Variants in PCDHGA1 observed in about 807,000 individuals in gnomAD.
The protein encoded by PCDHGA1 is protocadherin gamma-A1.
PCDHGA1 carries 32 observed loss-of-function variants against 58.0 expected under a neutral mutation model. The ratio of observed to expected loss-of-function variants is 0.55; its 90% CI spans 0.42 to 0.74. The LOEUF (loss-of-function observed/expected upper bound fraction) is 0.74, where lower values mean the gene tolerates loss of function less well. PCDHGA1 is among the 30% of genes least tolerant of loss of function. The probability of loss-of-function intolerance (pLI) is 0.00; values close to 1 mark genes in which losing one functional copy is unlikely to be tolerated. For missense variants in PCDHGA1, 1,205 were observed against 1,182.3 expected (o/e 1.02, Z -0.28); for synonymous variants, 498 against 501.1 (o/e 0.99, Z 0.08).
At position 141,371,314 on chromosome 5, in the gene PCDHGA1, T is replaced by G. The variant is rs763858209; in HGVS notation, c.2421+38209T>G. The G allele has an allele frequency of 6.8e-6, 11 of 1,613,964 alleles. No individual in the cohort carries two copies. The East Asian group carries it at 2.2e-4, about 33-fold the overall frequency. The stretch of plus-strand genomic sequence containing the variant: ...GGGGAACTCACCACTATTGGAGAAC[T>G]GGACTTTGAAGAGAGAGATAGCTAC... On this transcript the variant is annotated intron_variant, in intron 1 of 3. Transcript: ENST00000517417.
intron 1 of PCDHGA1, chr5:141,404,234 G>A (rs2094500908): frequency 6.2e-7 from 1 of 1,613,770 alleles, no homozygotes; most frequent in African/African-American, 1.3e-5. Context: ...AACAGACAGA[G>A]GAACTCCGCC....
Position 141,511,400 on chromosome 5 carries a change from T to C in PCDHGA1, c.*227T>C. The C allele has an allele frequency of 2.0e-6, 2 of 982,250 alleles. No individual in the cohort carries two copies. Among genetic ancestry groups the C allele is most frequent in the Non-Finnish European group, 2.9e-6 (2 of 688,054 alleles). The allele number at this position is 982,250 out of a possible 1,614,324, so 60.8% of individuals were successfully genotyped here. On this transcript the variant is annotated 3_prime_UTR_variant, in exon 4 of 4. Coordinates refer to ENST00000517417, the MANE Select transcript of PCDHGA1 (RefSeq NM_018912.3). ...AGTTCCGCTGGGAACCCCCATCCAA[T>C]CAACTGCTGTACCCATGGGGGTAGT...
At chr5:141,389,355 G>C in intron 1 of PCDHGA1, 2 of 1,613,950 alleles carry the variant, frequency 1.2e-6, no homozygotes, top group Non-Finnish European at 1.7e-6. Flanking sequence ...CTGCATCATG[G>C]CCAGTGACCT....
At chr5:141,488,705 G>C (rs1024064135) in intron 1 of PCDHGA1, among the ~76,000 whole-genome samples, 8 of 152,200 alleles carry the variant, frequency 5.3e-5, no homozygotes, top group Non-Finnish European at 1.2e-4. Context: ...AGATTTTGCT[G>C]GTTCAAGCAA....
At chr5:141,357,034 A>G (rs1200830178) in intron 1 of PCDHGA1, 1 of 1,614,038 alleles carries the variant, frequency 6.2e-7, no homozygotes, top group Non-Finnish European at 8.5e-7. Flanking sequence ...ACTCAAGTCC[A>G]GCGAGCCGGG....
At chr5:141,340,346 A>G in intron 1 of PCDHGA1, 2 of 1,613,812 alleles carry the variant, frequency 1.2e-6, no homozygotes, top group South Asian at 2.2e-5. Context: ...ATCCTACTCC[A>G]CCTACATTCC....
Position 141,364,754 on chromosome 5 carries a change from G to T in PCDHGA1, c.2421+31649G>T. ...CCGGGATGAAGAGTTAAAAGTAAAA[G>T]TTAATGAAAATGCGGCTGCAGGGAC... On this transcript the variant is annotated intron_variant, in intron 1 of 3. Transcript: ENST00000517417. The T allele has an allele frequency of 6.2e-7, 1 of 1,613,988 alleles. No individual in the cohort carries two copies. The highest frequency in any genetic ancestry group is 8.5e-7 in the Non-Finnish European group (1 of 1,179,900).
In PCDHGA1 at chr5:141,476,857, C is replaced by G. The variant is rs201408987; in HGVS notation, c.2422-17950C>G. The G allele has an allele frequency of 3.1e-6, 5 of 1,613,886 alleles. No individual in the cohort carries two copies. Among genetic ancestry groups the G allele is most frequent in the Non-Finnish European group, 4.2e-6 (5 of 1,180,046 alleles). On this transcript the variant is annotated intron_variant, in intron 1 of 3. Coordinates refer to ENST00000517417, the MANE Select transcript of PCDHGA1 (RefSeq NM_018912.3). This position sits in a 1 kb window ranked among gnomAD's most constrained non-coding sequence, Gnocchi z 7.6. Reference sequence around the variant, plus strand: ...ACAATGCGCCTGTCTTCAACCAGTCCTTGTACCGGGCGCGCGTCCTGGAGG... The same window carrying G: ...ACAATGCGCCTGTCTTCAACCAGTCGTTGTACCGGGCGCGCGTCCTGGAGG...
chr5:141,364,657 G>A (rs1232643990), intron 1 of PCDHGA1: 3 of 1,613,916 alleles, frequency 1.9e-6, no homozygotes, highest in African/African-American at 2.7e-5. Context: ...TTAACATCTT[G>A]GTTGAGAACA....
At chr5:141,428,088 C>G (rs761980796) in intron 1 of PCDHGA1, 5 of 1,608,920 alleles carry the variant, frequency 3.1e-6, no homozygotes, top group Non-Finnish European at 4.2e-6. Context: ...CAACGCTTGG[C>G]TGTCCTACCA....
At position 141,331,590 on chromosome 5, in the gene PCDHGA1, A is replaced by G; in HGVS notation, c.906A>G (p.Ser302=). The change falls in exon 1 of 4, where the codon TCA becomes TCG. Residue 302 remains serine, a synonymous_variant. Coordinates refer to ENST00000517417, the MANE Select transcript of PCDHGA1 (RefSeq NM_018912.3). ...TAGATTCTTACACAGGAGAAATATCAAATAAAGAACCACTAGATTTCGAAG... is the reference window on the plus strand; with the variant it reads ...TAGATTCTTACACAGGAGAAATATCGAATAAAGAACCACTAGATTTCGAAG... ...FRLDSYTGEI[S]NKEPLDFEEY... 2 of 1,614,170 alleles carry G rather than the reference A, an allele frequency of 1.2e-6. No homozygotes were observed. Among genetic ancestry groups the G allele is most frequent in the Non-Finnish European group, 1.7e-6 (2 of 1,180,050 alleles).
At chr5:141,339,675 C>A (rs754780956) in intron 1 of PCDHGA1, 4 of 1,614,028 alleles carry the variant, frequency 2.5e-6, no homozygotes, top group Admixed American at 1.7e-5. Flanking sequence ...GTCCTGGATG[C>A]GAACGACAAT....
At chr5:141,389,161 G>A (rs2091630816) in intron 1 of PCDHGA1, 1 of 1,613,878 alleles carries the variant, frequency 6.2e-7, no homozygotes, top group African/African-American at 1.3e-5. Flanking sequence ...ACAGATCGGG[G>A]CAAGCCTCCC....
intron 1 of PCDHGA1, among the ~76,000 whole-genome samples, chr5:141,382,245 A>C (rs1778064019): frequency 6.6e-6 from 1 of 152,172 alleles, no homozygotes; most frequent in South Asian, 2.1e-4. Flanking sequence ...GACTTTCTGA[A>C]TCTTGCATCA....
chr5:141,451,576 C>G (rs997933491), intron 1 of PCDHGA1, among the ~76,000 whole-genome samples: 10 of 152,164 alleles, frequency 6.6e-5, no homozygotes, highest in Middle Eastern at 3.4e-3. Context: ...TTTTTATAAA[C>G]CTAATTTTGA....
At chr5:141,346,602 G>A (rs2149741302) in intron 1 of PCDHGA1, 1 of 1,256,172 alleles carries the variant, frequency 8.0e-7, no homozygotes, top group Non-Finnish European at 1.1e-6. Context: ...TTCTTTCTGG[G>A]CCTATAGTAG....
At chr5:141,405,560 G>A in intron 1 of PCDHGA1, 1 of 613,636 alleles carries the variant, frequency 1.6e-6, no homozygotes, top group Non-Finnish European at 2.9e-6. Context: ...GAGTAGCTGG[G>A]ACTAGAGTAG....
chr5:141,489,077 C>G lies in PCDHGA1; in HGVS notation c.2422-5730C>G, dbSNP rs957205894. On this transcript the variant is annotated intron_variant, in intron 1 of 3. Coordinates refer to ENST00000517417, the MANE Select transcript of PCDHGA1 (RefSeq NM_018912.3). The surrounding 1 kb of genome is among the most constrained non-coding windows in gnomAD (Gnocchi z 4.5). The stretch of plus-strand genomic sequence containing the variant: ...AGCTCCCCTCCCCCCTGCCCACCCC[C>G]GCCACTCGGTGACTAAGAACTGCTG... 7 of 325,684 alleles carry G rather than the reference C, an allele frequency of 2.1e-5. No homozygotes were observed. Among genetic ancestry groups the G allele is most frequent in the Non-Finnish European group, 3.9e-5 (7 of 181,468 alleles). The allele number at this position is 325,684 out of a possible 1,614,324, so 20.2% of individuals were successfully genotyped here.
At chr5:141,360,134 A>T (rs773035416) in intron 1 of PCDHGA1, 1 of 1,591,326 alleles carries the variant, frequency 6.3e-7, no homozygotes, top group Non-Finnish European at 8.6e-7. Flanking sequence ...GGGAGCCAGA[A>T]GATGAAAGCG....
Sources: gnomAD v4.1 joint callset for allele counts (sites outside exome capture counted in the v4.1 genomes callset) on GRCh38, gnomAD v4.1.1 for gene constraint, Gnocchi (gnomAD v3.1) non-coding constraint, MANE v1.5 for transcripts, NCBI Gene and HGNC (gene_info 2026-07-23, HGNC 2026-07-21) for gene names.